The following DTNA variants were observed in gnomAD, a reference collection of about 807,000 sequenced individuals.
DTNA encodes the protein dystrobrevin alpha.
A neutral mutation model predicts 100.7 loss-of-function variants in DTNA; 43 were observed. That is an observed-to-expected ratio of 0.43 (90% CI 0.33 to 0.55). DTNA has a LOEUF of 0.55. Ranked by LOEUF, DTNA falls within the 20% of genes least tolerant of loss-of-function variation. DTNA has a pLI of 0.04. For synonymous variants in DTNA, 349 were observed against 347.9 expected (o/e 1.00, Z -0.04); for missense variants, 798 against 953.9 (o/e 0.84, Z 2.15).
intron 20 of DTNA, 119 bp downstream of exon 20, chr18:34,879,838 T>C: frequency 7.7e-7 from 1 of 1,297,066 alleles, no homozygotes; most frequent in Non-Finnish European, 1.1e-6. Context: ...GTGACATAGT[T>C]TTCTGTTCTG....
intron 13 of DTNA, among the ~76,000 whole-genome samples, chr18:34,848,030 A>G (rs910311799): frequency 3.9e-5 from 6 of 152,254 alleles, no homozygotes; most frequent in Admixed American, 3.9e-4. Context: ...GATCAGATGT[A>G]TTGATCAGAA....
intron 1 of DTNA, among the ~76,000 whole-genome samples, chr18:34,537,748 C>T (rs2043855940): frequency 6.6e-6 from 1 of 151,186 alleles, no homozygotes; most frequent in Admixed American, 6.6e-5. Context: ...TAGTTGGGAT[C>T]TAGTAAAGAG....
chr18:34,876,654 G>T (rs543058523), intron 18 of DTNA, among the ~76,000 whole-genome samples: 3 of 152,218 alleles, frequency 2.0e-5, no homozygotes, highest in African/African-American at 7.2e-5. Context: ...CGAGGAAAAA[G>T]GTACTCTCGT....
At chr18:34,664,768 T>C (rs562174714) in intron 1 of DTNA, among the ~76,000 whole-genome samples, 7 of 152,108 alleles carry the variant, frequency 4.6e-5, no homozygotes, top group African/African-American at 1.7e-4. Flanking sequence ...AATTTATAAA[T>C]AAATATTTTT....
intron 1 of DTNA, among the ~76,000 whole-genome samples, chr18:34,612,908 A>G (rs949325217): frequency 2.0e-5 from 3 of 152,164 alleles, no homozygotes; most frequent in African/African-American, 7.2e-5. Flanking sequence ...GCTATACCTT[A>G]TTACTTTTAA....
Position 34,531,029 on chromosome 18 carries a change from A to G in DTNA, c.-2+37515A>G, listed in dbSNP as rs906249338. 9.2e-5 allele frequency among the ~76,000 whole-genome samples: 14 copies of G among 152,206 alleles called. No individual in the cohort carries two copies. In the East Asian group the frequency reaches 2.1e-3, roughly 23 times the overall value. ...AGTCATAGAATAGCTGGAACTTAAGATATTTATTTTTCTGGAAAACCACTG... is the reference window on the plus strand; with the variant it reads ...AGTCATAGAATAGCTGGAACTTAAGGTATTTATTTTTCTGGAAAACCACTG... On this transcript the variant is annotated intron_variant, in intron 1 of 19. Coordinates refer to the DTNA transcript ENST00000283365.
intron 1 of DTNA, among the ~76,000 whole-genome samples, chr18:34,528,362 C>G (rs563366983): frequency 6.6e-6 from 1 of 152,194 alleles, no homozygotes; most frequent in Admixed American, 6.6e-5. Context: ...TACAGACAAT[C>G]ATGGGTTATT....
chr18:34,673,415 C>A (rs540871282), intron 1 of DTNA, among the ~76,000 whole-genome samples: 1 of 151,880 alleles, frequency 6.6e-6, no homozygotes, highest in Non-Finnish European at 1.5e-5. Flanking sequence ...GCTGGGATTA[C>A]AGGCATGAGC....
chr18:34,555,149 T>C (rs1287668590), intron 1 of DTNA, among the ~76,000 whole-genome samples: 2 of 136,116 alleles, frequency 1.5e-5, no homozygotes, highest in African/African-American at 5.8e-5. Context: ...CTAGATTTTC[T>C]AGTTTATTTG....
chr18:34,509,484 T>C (rs2040819891), intron 1 of DTNA, among the ~76,000 whole-genome samples: 1 of 152,112 alleles, frequency 6.6e-6, no homozygotes, highest in Non-Finnish European at 1.5e-5. Context: ...AGATAAATTC[T>C]GCCTCCTCCT....
chr18:34,742,609 T>C (rs1409978215), intron 1 of DTNA, among the ~76,000 whole-genome samples: 1 of 152,168 alleles, frequency 6.6e-6, no homozygotes, highest in African/African-American at 2.4e-5. Context: ...GGGGTTAAGA[T>C]GTGGACATCT....
intron 14 of DTNA, among the ~76,000 whole-genome samples, chr18:34,849,300 A>C (rs2096438654): frequency 6.6e-6 from 1 of 152,240 alleles, no homozygotes; most frequent in Admixed American, 6.5e-5. Flanking sequence ...CAACCACTCC[A>C]GGAGTCACTT....
intron 1 of DTNA, among the ~76,000 whole-genome samples, chr18:34,619,956 G>A (rs116973593): frequency 2.9e-4 from 44 of 152,316 alleles, no homozygotes; most frequent in Non-Finnish European, 5.1e-4. Flanking sequence ...ATGAGACACT[G>A]AGAATAATTA....
intron 19 of DTNA, 121 bp from the exon 20 acceptor site, chr18:34,879,430 A>C: frequency 1.0e-6 from 1 of 956,240 alleles, no homozygotes; most frequent in Non-Finnish European, 1.6e-6. Context: ...ATTTGATTAA[A>C]ATATGATAAC....
intron 9 of DTNA, chr18:34,825,166 G>A (rs2149507864): frequency 6.7e-7 from 1 of 1,487,386 alleles, no homozygotes; most frequent in Non-Finnish European, 9.4e-7. Flanking sequence ...AGCAGGTGGT[G>A]ACATTTTGGT....
chr18:34,773,406 G>C (rs1476631091), intron 3 of DTNA, among the ~76,000 whole-genome samples: 1 of 152,210 alleles, frequency 6.6e-6, no homozygotes, highest in Non-Finnish European at 1.5e-5. Flanking sequence ...ACCAGAGAAA[G>C]ATATGTATTT....
intron 1 of DTNA, among the ~76,000 whole-genome samples, chr18:34,723,778 A>G (rs1046641176): frequency 4.6e-5 from 7 of 152,078 alleles, no homozygotes; most frequent in African/African-American, 1.4e-4. Context: ...GGGTGCCTGT[A>G]ATCCCAGCTA....
intron 14 of DTNA, among the ~76,000 whole-genome samples, chr18:34,848,980 C>A (rs2096432011): frequency 1.3e-5 from 2 of 152,144 alleles, no homozygotes; most frequent in Admixed American, 1.3e-4. Context: ...GTTATCAGAG[C>A]CCTTCATGCT....
chr18:34,806,210 A>G lies in DTNA; in HGVS notation c.363-9A>G, dbSNP rs886053771. On this transcript the variant is annotated splice_polypyrimidine_tract_variant and intron_variant, in intron 4 of 22. Coordinates refer to ENST00000444659, the MANE Select transcript of DTNA (RefSeq NM_001386795.1). ...TTGTTTTTGTTTTTTTTCTATTACC[A>G]TTAAACAGGGAAGGCCATGGTAAAA... 7 of 1,613,250 alleles carry G rather than the reference A, an allele frequency of 4.3e-6. No individual in the cohort carries two copies. The highest frequency in any genetic ancestry group is 2.7e-5 in the African/African-American group (2 of 74,886).
Sources: allele counts gnomAD v4.1 joint callset (sites outside exome capture counted in the v4.1 genomes callset), GRCh38; gene constraint gnomAD v4.1.1; transcripts MANE v1.5; gene names NCBI Gene and HGNC (gene_info 2026-07-23, HGNC 2026-07-21).